Variants in C12orf42 observed in about 807,000 individuals in gnomAD.
C12orf42 encodes the protein uncharacterized protein C12orf42.
Under a neutral mutation model 21.6 loss-of-function variants are expected in C12orf42, and 25 were observed. The ratio of observed to expected loss-of-function variants is 1.16; its 90% confidence interval spans 0.84 to 1.62. The LOEUF is 1.62. C12orf42 is among the 40% of genes most tolerant of loss of function. The pLI is 0.00. For synonymous variants in C12orf42, 174 were observed against 175.0 expected, an observed-to-expected ratio of 0.99 and a Z score of 0.05; for missense variants, 483 against 459.3, an observed-to-expected ratio of 1.05 and a Z score of -0.47.
intron 2 of C12orf42, among the ~76,000 whole-genome samples, chr12:103,435,854 C>A (rs981436709): frequency 6.6e-6 from 1 of 151,834 alleles, no homozygotes; most frequent in Admixed American, 6.6e-5. Context: ...AGAACTTCCC[C>A]AATCTAGCAA....
At chr12:103,165,279 GAAACCGGGCAGGCACTTTCCCTATA>G in the C12orf42 span, among the ~76,000 whole-genome samples, 1 of 152,210 alleles carries the variant, frequency 6.6e-6, no homozygotes, top group African/African-American at 2.4e-5. Context: ...ACCAAAGTGG[GAAACCGGGCAGGCACTTTCCCTATA>G]AAAGACAGGC....
chr12:103,211,284 C>T, the C12orf42 span, among the ~76,000 whole-genome samples: 1 of 152,108 alleles, frequency 6.6e-6, no homozygotes, highest in Non-Finnish European at 1.5e-5. Context: ...ATAAGGCCAC[C>T]AATCCTATCT....
chr12:103,182,217 A>G, the C12orf42 span, among the ~76,000 whole-genome samples: 1 of 152,118 alleles, frequency 6.6e-6, no homozygotes. Flanking sequence ...TGCTTTTATT[A>G]GCCTCCTTCT....
the C12orf42 span, among the ~76,000 whole-genome samples, chr12:103,073,173 T>C: frequency 6.6e-6 from 1 of 151,938 alleles, no homozygotes; most frequent in Non-Finnish European, 1.5e-5. Flanking sequence ...GTGGGACCTA[T>C]TGGAGGATGG....
intron 1 of C12orf42, among the ~76,000 whole-genome samples, chr12:103,494,530 G>GT (rs1276748911): frequency 6.6e-6 from 1 of 151,290 alleles, no homozygotes; most frequent in African/African-American, 2.4e-5. Flanking sequence ...ATGGGTGGGG[G>GT]TTTTTTAAGC....
the C12orf42 span, among the ~76,000 whole-genome samples, chr12:103,536,998 G>A: frequency 9.2e-5 from 14 of 152,182 alleles, no homozygotes; most frequent in Admixed American, 2.6e-4. Flanking sequence ...TATGAGAGCA[G>A]AGGGATTTTT....
At chr12:103,151,076 C>T in the C12orf42 span, among the ~76,000 whole-genome samples, 49 of 152,196 alleles carry the variant, frequency 3.2e-4, no homozygotes, top group South Asian at 4.8e-3. Context: ...TAGAGGTGCA[C>T]GCCACCACGA....
intron 2 of C12orf42, among the ~76,000 whole-genome samples, chr12:103,425,610 G>C (rs897811192): frequency 9.2e-5 from 14 of 152,112 alleles, no homozygotes; most frequent in African/African-American, 3.4e-4. Context: ...CTGTTAGAAG[G>C]AAAAATAACA....
chr12:103,324,503 T>G (rs1300068193), intron 4 of C12orf42, among the ~76,000 whole-genome samples: 1 of 152,206 alleles, frequency 6.6e-6, no homozygotes, highest in Non-Finnish European at 1.5e-5. Flanking sequence ...AATGAATGCT[T>G]GCAGCTGCAA....
intron 4 of C12orf42, among the ~76,000 whole-genome samples, chr12:103,350,643 AAT>A (rs1555266246): frequency 6.6e-6 from 1 of 152,108 alleles, no homozygotes; most frequent in Non-Finnish European, 1.5e-5. Context: ...AGGATCTTGG[AAT>A]GTATTTCCCC....
chr12:103,308,839 G>C (rs2136594146), intron 4 of C12orf42, among the ~76,000 whole-genome samples: 1 of 152,256 alleles, frequency 6.6e-6, no homozygotes, highest in East Asian at 1.9e-4. Flanking sequence ...AATATGACTG[G>C]TGTCCTAATA....
chr12:103,089,630 T>C, the C12orf42 span, among the ~76,000 whole-genome samples: 1 of 151,830 alleles, frequency 6.6e-6, no homozygotes, highest in East Asian at 1.9e-4. Flanking sequence ...TGTGTGTGTG[T>C]GTGTGTGTGT....
intron 5 of C12orf42, among the ~76,000 whole-genome samples, chr12:103,270,643 A>C (rs1476440092): frequency 1.3e-5 from 2 of 150,920 alleles, no homozygotes; most frequent in African/African-American, 2.4e-5. Context: ...TTAGTTACAT[A>C]TGTATACATG....
chr12:103,344,989 T>C (rs960854794), intron 4 of C12orf42, among the ~76,000 whole-genome samples: 1 of 152,204 alleles, frequency 6.6e-6, no homozygotes, highest in African/African-American at 2.4e-5. Flanking sequence ...TACAACTTAG[T>C]AGCTAAGACT....
intron 2 of C12orf42, among the ~76,000 whole-genome samples, chr12:103,411,016 G>A (rs1001285733): frequency 2.7e-5 from 4 of 148,258 alleles, no homozygotes; most frequent in African/African-American, 1.0e-4. Flanking sequence ...TGTGCCCAAA[G>A]TGCCTCCAAA....
chr12:103,425,114 T>C (rs971889222), intron 2 of C12orf42, among the ~76,000 whole-genome samples: 19 of 152,192 alleles, frequency 1.2e-4, no homozygotes, highest in African/African-American at 4.3e-4. Context: ...GCAAAGCCAC[T>C]GTAGCCAGAC....
chr12:103,215,027 T>C, the C12orf42 span, among the ~76,000 whole-genome samples: 2 of 152,206 alleles, frequency 1.3e-5, no homozygotes, highest in Non-Finnish European at 2.9e-5. Context: ...GACAATACTC[T>C]GCAGTGGCAG....
At chr12:103,275,324 T>C (rs1466423354) in intron 5 of C12orf42, among the ~76,000 whole-genome samples, 2 of 152,168 alleles carry the variant, frequency 1.3e-5, no homozygotes, top group Non-Finnish European at 2.9e-5. Flanking sequence ...AACAGCCATA[T>C]ACCAATAATT....
At chr12:103,156,362 G>C in the C12orf42 span, among the ~76,000 whole-genome samples, 1 of 152,158 alleles carries the variant, frequency 6.6e-6, no homozygotes, top group Non-Finnish European at 1.5e-5. Flanking sequence ...TAAAGGTGGG[G>C]GCAGGGCTTC....
Sources: allele counts gnomAD v4.1 joint callset (sites outside exome capture counted in the v4.1 genomes callset), GRCh38; gene constraint gnomAD v4.1.1; transcripts MANE v1.5; gene names NCBI Gene and HGNC (gene_info 2026-07-23, HGNC 2026-07-21).